The following RAB37 variants were observed in gnomAD, a reference collection of about 807,000 sequenced individuals.
RAB37 encodes the protein RAB37, member RAS oncogene family, also known as ras-related protein Rab-37.
RAB37 carries 29 observed loss-of-function variants against 33.1 expected under a neutral mutation model. The observed-to-expected ratio is 0.88, with a 90% CI of 0.65 to 1.20. The LOEUF is 1.20. Among genes scored for constraint, RAB37 ranks in the 50% most tolerant of loss-of-function variants. The pLI, the probability that RAB37 is intolerant of heterozygous loss-of-function variation, is 0.00. For missense variants in RAB37, 299 were observed against 301.1 expected (o/e 0.99, Z 0.05); for synonymous variants, 128 against 119.5 (o/e 1.07, Z -0.47).
intron 1 of RAB37, among the ~76,000 whole-genome samples, chr17:74,683,624 T>C (rs1162028234): frequency 6.6e-6 from 1 of 152,234 alleles, no homozygotes; most frequent in Non-Finnish European, 1.5e-5. Flanking sequence ...AGGACCCCTG[T>C]ATTTTTATTT....
chr17:74,686,223 C>T (rs2032052128), intron 1 of RAB37, among the ~76,000 whole-genome samples: 1 of 152,054 alleles, frequency 6.6e-6, no homozygotes, highest in Non-Finnish European at 1.5e-5. Context: ...TCCCAGGTAG[C>T]TGGGGTTACA....
intron 1 of RAB37, among the ~76,000 whole-genome samples, chr17:74,740,218 A>T (rs948091973): frequency 2.6e-5 from 4 of 152,126 alleles, no homozygotes; most frequent in African/African-American, 9.7e-5. Context: ...CACAAAAAAA[A>T]AAACCCAAAC....
At chr17:74,735,745 G>T (rs1244903987), upstream of RAB37, among the ~76,000 whole-genome samples, 1 of 152,146 alleles carries the variant, frequency 6.6e-6, no homozygotes, top group African/African-American at 2.4e-5. Flanking sequence ...TACTCTACTG[G>T]AGATCACCTC....
chr17:74,690,088 T>C (rs1312543072), intron 1 of RAB37, among the ~76,000 whole-genome samples: 1 of 151,948 alleles, frequency 6.6e-6, no homozygotes, highest in East Asian at 1.9e-4. Flanking sequence ...AGTAGCTGGG[T>C]CTACAGTCGT....
In RAB37 at chr17:74,744,911, CG is replaced by C. The variant is rs745909703; in HGVS notation, c.473del (p.Gly158GlufsTer21). ...SSERVIRSED[G>X]ETLAREYGVP... The stretch of plus-strand genomic sequence containing the variant: ...GCGAAAGAGTGATCCGTTCCGAAGA[CG>C]GAGAGACCTTGGCCAGGGTAAGTGA... On this transcript the variant is annotated frameshift_variant, in exon 7 of 9. Coordinates refer to ENST00000392613, the MANE Select transcript of RAB37 (RefSeq NM_001006638.3). LOFTEE classifies it high-confidence loss of function. The surrounding 1 kb of genome is among the most constrained non-coding windows in gnomAD (Gnocchi z 4.2). 1.2e-6 allele frequency: 2 copies of C among 1,614,254 alleles called. No individual in the cohort carries two copies. The highest frequency in any genetic ancestry group is 8.5e-7 in the Non-Finnish European group (1 of 1,180,040).
chr17:74,737,117 G>A, upstream of RAB37: 3 of 1,596,754 alleles, frequency 1.9e-6, no homozygotes, highest in Non-Finnish European at 2.6e-6. Flanking sequence ...GGAACAGCAA[G>A]GTCCGAGCCG....
intron 1 of RAB37, among the ~76,000 whole-genome samples, chr17:74,727,608 G>A: frequency 6.6e-6 from 1 of 152,252 alleles, no homozygotes; most frequent in East Asian, 1.9e-4. Flanking sequence ...TGACCTTGGT[G>A]CAAACATGAC....
chr17:74,729,265 G>A lies in RAB37; in HGVS notation c.82G>A (p.Val28Met), dbSNP rs140336944. Reference sequence around the variant, plus strand: ...TATTGTTCCCTTCCAGACCATCCTGGTGGGTGACAGTGGTGTGGGAAAGAC... The same window carrying A: ...TATTGTTCCCTTCCAGACCATCCTGATGGGTGACAGTGGTGTGGGAAAGAC... Residue 28 changes from valine to methionine, a missense_variant, in exon 2 of 8, where the codon GTG (valine) becomes ATG (methionine). By Grantham distance (21) the Val-to-Met change is conservative. Transcript: ENST00000340415. The surrounding 1 kb of genome is among the most constrained non-coding windows in gnomAD (Gnocchi z 4.2). 6.2e-7 allele frequency: 1 copy of A among 1,613,530 alleles called. No homozygotes were observed. Among genetic ancestry groups the A allele is most frequent in the Non-Finnish European group, 8.5e-7 (1 of 1,179,648 alleles).
upstream of RAB37, chr17:74,736,543 G>A: frequency 2.0e-6 from 3 of 1,467,972 alleles, no homozygotes; most frequent in Non-Finnish European, 2.7e-6. Flanking sequence ...AATAAGGCCG[G>A]CCCCGCCTTC....
rs751192007 is a variant in RAB37, at chr17:74,742,571, T to A, written c.246+276T>A. ...AGGGCTTTATCTGCTCTTAGGAGAT[T>A]GGACATCCCCAACCCCTGAGCTAGG... On this transcript the variant is annotated intron_variant, in intron 3 of 8. Transcript: ENST00000392613. The surrounding 1 kb of genome is among the most constrained non-coding windows in gnomAD (Gnocchi z 4.0). 6.6e-6 allele frequency among the ~76,000 whole-genome samples: 1 copy of A among 152,184 alleles called. No individual in the cohort carries two copies. Among genetic ancestry groups the A allele is most frequent in the Middle Eastern group, 3.2e-3 (1 of 312 alleles).
intron 1 of RAB37, among the ~76,000 whole-genome samples, chr17:74,700,391 C>T (rs565844952): frequency 1.3e-5 from 2 of 152,200 alleles, no homozygotes; most frequent in African/African-American, 4.8e-5. Flanking sequence ...TCTCCAGGAA[C>T]ATGCTCCCTC....
At chr17:74,722,091 C>T (rs1358556380) in intron 1 of RAB37, among the ~76,000 whole-genome samples, 2 of 151,620 alleles carry the variant, frequency 1.3e-5, no homozygotes, top group South Asian at 2.1e-4. Context: ...GTCAGGAGAT[C>T]GAGACCACAG....
chr17:74,702,017 T>C (rs1304175324), intron 1 of RAB37, among the ~76,000 whole-genome samples: 3 of 150,048 alleles, frequency 2.0e-5, no homozygotes, highest in Non-Finnish European at 4.4e-5. Flanking sequence ...CAAGACTGTC[T>C]AAAAATAAAA....
In RAB37 at chr17:74,704,723, C is replaced by T. The variant is rs569437534; in HGVS notation, c.73-24533C>T. On this transcript the variant is annotated intron_variant, in intron 1 of 7. Transcript: ENST00000340415. ...ACACCACCACTTCAAGTAGGTCTCC[C>T]AGCCTGATCTGTAAACACACTGCAC... The T allele has an allele frequency of 1.2e-4, 198 of 1,614,064 alleles. 1 individual carries two copies. The highest frequency in any genetic ancestry group is 1.6e-4 in the Non-Finnish European group (191 of 1,180,046).
At chr17:74,731,415 T>C (rs1178177694) in intron 2 of RAB37, among the ~76,000 whole-genome samples, 2 of 152,200 alleles carry the variant, frequency 1.3e-5, no homozygotes, top group African/African-American at 4.8e-5. Context: ...GCAGGGTGAC[T>C]ACCTCGGGCA....
chr17:74,674,113 G>C (rs1446001632), intron 1 of RAB37, among the ~76,000 whole-genome samples: 2 of 152,128 alleles, frequency 1.3e-5, no homozygotes, highest in Non-Finnish European at 2.9e-5. Context: ...GTCTCAGTCT[G>C]TCACCCAGGC....
At chr17:74,723,609 C>G (rs968194506) in intron 1 of RAB37, among the ~76,000 whole-genome samples, 3 of 143,420 alleles carry the variant, frequency 2.1e-5, no homozygotes, top group African/African-American at 7.8e-5. Flanking sequence ...GACGGAGTCT[C>G]ACTCTGTCGC....
chr17:74,739,922 T>C (rs1229258555), intron 1 of RAB37, among the ~76,000 whole-genome samples: 1 of 151,744 alleles, frequency 6.6e-6, no homozygotes, highest in Non-Finnish European at 1.5e-5. Flanking sequence ...TTTGGGAGGC[T>C]GAGGCGGGCG....
At chr17:74,721,685 T>G (rs1199755569) in intron 1 of RAB37, among the ~76,000 whole-genome samples, 1 of 152,148 alleles carries the variant, frequency 6.6e-6, no homozygotes, top group African/African-American at 2.4e-5. Flanking sequence ...CGCCTCGGCC[T>G]CCCAAAGTGC....
Sources: gnomAD v4.1 joint callset for allele counts (sites outside exome capture counted in the v4.1 genomes callset) on GRCh38, gnomAD v4.1.1 for gene constraint, Gnocchi (gnomAD v3.1) non-coding constraint, MANE v1.5 for transcripts, NCBI Gene and HGNC (gene_info 2026-07-23, HGNC 2026-07-21) for gene names.